NEK11: variants seen among roughly 807,000 people sequenced by gnomAD.
NEK11 encodes the protein NIMA related kinase 11.
NEK11 carries 72 observed loss-of-function variants against 80.7 expected under a neutral mutation model. The observed-to-expected ratio is 0.89, with a 90% confidence interval of 0.74 to 1.08. The LOEUF (loss-of-function observed/expected upper bound fraction) is 1.08. Among genes scored for constraint, NEK11 ranks in the 50% least tolerant of loss-of-function variants. The pLI, the probability that NEK11 is intolerant of heterozygous loss-of-function variation, is 0.00. For missense variants in NEK11, 764 were observed against 763.6 expected (o/e 1.00, Z -0.01); for synonymous variants, 251 against 260.7 (o/e 0.96, Z 0.36).
At chr3:131,148,828 A>G (rs942039623) in intron 7 of NEK11, among the ~76,000 whole-genome samples, 3 of 151,766 alleles carry the variant, frequency 2.0e-5, no homozygotes, top group Admixed American at 6.6e-5. Flanking sequence ...AGTACAAAAT[A>G]GGTAGTTTTT....
intron 14 of NEK11, among the ~76,000 whole-genome samples, chr3:131,187,472 T>A (rs1350769520): frequency 6.6e-6 from 1 of 152,202 alleles, no homozygotes; most frequent in Non-Finnish European, 1.5e-5. Context: ...TTTCCCTCAT[T>A]TTCCAGTTCT....
intron 5 of NEK11, among the ~76,000 whole-genome samples, 182 bp downstream of exon 5, chr3:131,110,103 A>G (rs1410432735): frequency 2.0e-5 from 3 of 152,168 alleles, no homozygotes; most frequent in Non-Finnish European, 2.9e-5. Flanking sequence ...TAGAGGATTT[A>G]CTTGCATAGC....
intron 17 of NEK11, among the ~76,000 whole-genome samples, chr3:131,342,330 G>A (rs2097299109): frequency 1.3e-5 from 2 of 152,204 alleles, no homozygotes; most frequent in Non-Finnish European, 2.9e-5. Context: ...TTGTTGAAAT[G>A]ACGATATTAA....
At chr3:131,058,885 T>G (rs888976501) in intron 3 of NEK11, among the ~76,000 whole-genome samples, 6 of 152,152 alleles carry the variant, frequency 3.9e-5, no homozygotes, top group African/African-American at 1.4e-4. Context: ...GGAAGTAAAA[T>G]TTCATAAAGC....
chr3:131,046,128 G>T (rs540258982), intron 3 of NEK11, among the ~76,000 whole-genome samples: 5 of 152,118 alleles, frequency 3.3e-5, no homozygotes, highest in Non-Finnish European at 2.9e-5. Context: ...TGAGATACAT[G>T]CTATTCTATT....
At chr3:131,339,919 G>A (rs966743463) in intron 17 of NEK11, among the ~76,000 whole-genome samples, 1 of 152,174 alleles carries the variant, frequency 6.6e-6, no homozygotes, top group East Asian at 1.9e-4. Context: ...TACATAAAAG[G>A]ATGGATGACC....
At chr3:131,289,595 T>C (rs1351718025) in intron 17 of NEK11, among the ~76,000 whole-genome samples, 1 of 152,188 alleles carries the variant, frequency 6.6e-6, no homozygotes, top group Admixed American at 6.5e-5. Flanking sequence ...ATTTGGTTTG[T>C]AACCTTTTTT....
chr3:131,038,211 A>G (rs1577285241), intron 3 of NEK11, among the ~76,000 whole-genome samples: 2 of 152,200 alleles, frequency 1.3e-5, no homozygotes, highest in South Asian at 2.1e-4. Flanking sequence ...TCCTCTAGGT[A>G]AATATAGAAA....
chr3:131,104,011 A>T (rs1481463216), intron 4 of NEK11, among the ~76,000 whole-genome samples: 2 of 152,316 alleles, frequency 1.3e-5, no homozygotes, highest in African/African-American at 4.8e-5. Context: ...AATTTGAGTG[A>T]TCAGCTAGGG....
At chr3:131,247,016 T>A (rs1387071478) in intron 16 of NEK11, among the ~76,000 whole-genome samples, 1 of 152,148 alleles carries the variant, frequency 6.6e-6, no homozygotes, top group Non-Finnish European at 1.5e-5. Flanking sequence ...TTCTGAATAT[T>A]AGTGCTTTGT....
intron 17 of NEK11, among the ~76,000 whole-genome samples, chr3:131,292,442 C>T (rs944902426): frequency 7.9e-5 from 12 of 152,112 alleles, no homozygotes; most frequent in African/African-American, 2.7e-4. Context: ...TTGTCAACAT[C>T]CACAAAGTAA....
chr3:131,101,837 T>A (rs2078408805), intron 4 of NEK11, among the ~76,000 whole-genome samples: 1 of 152,192 alleles, frequency 6.6e-6, no homozygotes, highest in Non-Finnish European at 1.5e-5. Context: ...CCTCACTGTA[T>A]TACTATGTGT....
intron 3 of NEK11, among the ~76,000 whole-genome samples, chr3:131,038,572 G>A (rs937845273): frequency 3.3e-5 from 5 of 152,104 alleles, no homozygotes; most frequent in Non-Finnish European, 4.4e-5. Flanking sequence ...GGCTTAGGCA[G>A]GGGGCCAAAA....
intron 14 of NEK11, among the ~76,000 whole-genome samples, chr3:131,215,278 CG>C (rs1430694857): frequency 2.5e-5 from 2 of 81,468 alleles, no homozygotes; most frequent in Admixed American, 1.6e-4. Context: ...TGTTGTGGGG[CG>C]GGGGGAGGGG....
At chr3:131,327,939 G>A (rs1393061051) in intron 17 of NEK11, among the ~76,000 whole-genome samples, 2 of 152,152 alleles carry the variant, frequency 1.3e-5, no homozygotes, top group East Asian at 1.9e-4. Context: ...TGTGAGGTCA[G>A]AGGCTTGTGG....
At chr3:131,027,163 T>G (rs2063987660) in intron 1 of NEK11, 157 bp downstream of exon 1, 1 of 152,240 alleles carries the variant, frequency 6.6e-6, no homozygotes, top group Non-Finnish European at 1.5e-5. Flanking sequence ...TACTCCAGTC[T>G]CAGTGCCCCT....
At position 131,331,542 on chromosome 3, in the gene NEK11, G is replaced by A. The variant is rs942070892; in HGVS notation, c.1719-18015G>A. ...TCCCAGCGTGAGCGACGCAGAATAC[G>A]GGTGATTTCTGCATTTCCATCTGAG... On this transcript the variant is annotated intron_variant, in intron 17 of 17. Coordinates refer to ENST00000383366, the MANE Select transcript of NEK11 (RefSeq NM_024800.5). Among the ~76,000 whole-genome samples, 11 of 152,348 alleles carry A rather than the reference G, an allele frequency of 7.2e-5. No individual in the cohort carries two copies. In the South Asian group the frequency reaches 2.1e-3, roughly 29 times the overall value.
At chr3:131,048,248 A>T (rs1485957868) in intron 3 of NEK11, among the ~76,000 whole-genome samples, 1 of 152,110 alleles carries the variant, frequency 6.6e-6, no homozygotes, top group Non-Finnish European at 1.5e-5. Context: ...GTGTTTCCCC[A>T]CCTGCCGCAG....
chr3:131,042,920 G>T, intron 3 of NEK11, among the ~76,000 whole-genome samples: 1 of 152,216 alleles, frequency 6.6e-6, no homozygotes, highest in Admixed American at 6.5e-5. Flanking sequence ...GAAGGAACAG[G>T]CAGCAATCTT....
Sources: allele counts gnomAD v4.1 joint callset (sites outside exome capture counted in the v4.1 genomes callset), GRCh38; gene constraint gnomAD v4.1.1; transcripts MANE v1.5; gene names NCBI Gene and HGNC (gene_info 2026-07-23, HGNC 2026-07-21).